GLS: variants seen among roughly 807,000 people sequenced by gnomAD.
The protein encoded by GLS is glutaminase.
In GLS, 36 loss-of-function variants were observed where a neutral mutation model predicts 86.7. That is an observed-to-expected ratio of 0.42 (90% CI 0.32 to 0.55). The LOEUF is 0.55. Ranked by LOEUF, GLS falls within the 20% of genes least tolerant of loss-of-function variation. The pLI, the probability that GLS is intolerant of heterozygous loss-of-function variation, is 0.17. For synonymous variants in GLS, 317 were observed against 305.9 expected (o/e 1.04, Z -0.38); for missense variants, 528 against 833.4 (o/e 0.63, Z 4.51).
At position 190,917,792 on chromosome 2, in the gene GLS, AT is replaced by A. The variant is rs942118157; in HGVS notation, c.1039-3220del. ...TGAACAGTAGTATTTTGAAAGAAAT[AT>A]TTTTTTTTTTTCTGGCTGGTCATGG... On this transcript the variant is annotated intron_variant, in intron 7 of 17. Transcript: ENST00000320717. 3.0e-3 allele frequency among the ~76,000 whole-genome samples: 440 copies of A among 146,036 alleles called. 2 individuals are homozygous for A. The highest frequency in any genetic ancestry group is 9.3e-3 in the African/African-American group (373 of 39,922).
Position 190,913,440 on chromosome 2 carries a change from T to C in GLS, c.1038+3119T>C, listed in dbSNP as rs1574587072. On this transcript the variant is annotated intron_variant, in intron 7 of 17. Coordinates refer to ENST00000320717, the MANE Select transcript of GLS (RefSeq NM_014905.5). The surrounding 1 kb of genome is among the most constrained non-coding windows in gnomAD (Gnocchi z 6.1). ...ATTTTTAAAAATCATAAGGGTATTA[T>C]ACTTCCTCTCTTTTTCTCTGTGGTA... The C allele has an allele frequency of 2.2e-6, 2 of 906,982 alleles. No homozygotes were observed. Among genetic ancestry groups the C allele is most frequent in the East Asian group, 8.6e-5 (1 of 11,594 alleles). 56.2% of individuals were successfully genotyped at this position (906,982 alleles called of 1,614,324 possible).
chr2:190,932,213 T>A (rs1690129650), intron 14 of GLS, among the ~76,000 whole-genome samples: 1 of 151,974 alleles, frequency 6.6e-6, no homozygotes, highest in East Asian at 1.9e-4. Flanking sequence ...ATTTGTTTGT[T>A]ACGAGTTTAT....
In GLS at chr2:190,924,644, C is replaced by T. The variant is rs762227315; in HGVS notation, c.1248+51C>T. 14 of 981,116 alleles carry T rather than the reference C, an allele frequency of 1.4e-5. No homozygotes were observed. The highest frequency in any genetic ancestry group is 1.2e-4 in the South Asian group (9 of 77,294). The allele number at this position is 981,116 out of a possible 1,614,324, so 60.8% of individuals were successfully genotyped here. A position where few individuals can be genotyped will look rare whatever the true frequency, so the allele number is the denominator to read the frequency against. The stretch of plus-strand genomic sequence containing the variant: ...TATAAATGGATGTGTCGGCTGGGCA[C>T]GGTGGCTCACGCCTGTAATCCCAGC... On this transcript the variant is annotated intron_variant, in intron 11 of 17. Transcript: ENST00000320717. This position sits in a 1 kb window ranked among gnomAD's most constrained non-coding sequence, Gnocchi z 5.2.
At chr2:190,933,238 C>T in intron 14 of GLS, 1 of 878,342 alleles carries the variant, frequency 1.1e-6, no homozygotes, top group Non-Finnish European at 1.4e-6. Flanking sequence ...AGTTTTGTTG[C>T]ATTTTGTTTT....
intron 1 of GLS, among the ~76,000 whole-genome samples, chr2:190,886,279 T>G (rs1460424524): frequency 6.6e-6 from 1 of 152,250 alleles, no homozygotes; most frequent in Non-Finnish European, 1.5e-5. Flanking sequence ...TTGATAACTT[T>G]GTCCATGATC....
chr2:190,907,007 G>A (rs1456885263), intron 6 of GLS, among the ~76,000 whole-genome samples: 2 of 149,260 alleles, frequency 1.3e-5, no homozygotes, highest in Non-Finnish European at 3.0e-5. Flanking sequence ...TCGGCTTACT[G>A]CAAGCTCTGC....
At chr2:190,898,971 G>T (rs1010796127) in intron 3 of GLS, among the ~76,000 whole-genome samples, 2 of 152,140 alleles carry the variant, frequency 1.3e-5, no homozygotes, top group Non-Finnish European at 2.9e-5. Context: ...TAGTTAAATG[G>T]TAGTAGGTTA....
At chr2:190,907,895 A>T (rs1689215300) in intron 6 of GLS, among the ~76,000 whole-genome samples, 1 of 152,254 alleles carries the variant, frequency 6.6e-6, no homozygotes, top group African/African-American at 2.4e-5. Context: ...TAGTTGTATT[A>T]TCTTACAAGT....
In GLS at chr2:190,961,394, G is replaced by A. The variant is rs189944317; in HGVS notation, c.1854-1436G>A. ...TGTATTTTTAGTAGAGAGGGGTTTC[G>A]CCATGTTGGTCATTCTGGTCTTGAA... On this transcript the variant is annotated intron_variant, in intron 17 of 17. Transcript: ENST00000320717. Among the ~76,000 whole-genome samples, 9 of 152,134 alleles carry A rather than the reference G, an allele frequency of 5.9e-5. 1 individual carries two copies. The East Asian group carries it at 1.2e-3, about 20-fold the overall frequency.
intron 14 of GLS, among the ~76,000 whole-genome samples, chr2:190,939,590 T>C (rs1239890291): frequency 6.6e-6 from 1 of 151,804 alleles, no homozygotes; most frequent in Non-Finnish European, 1.5e-5. Flanking sequence ...AATCAGTCTC[T>C]TGCTGAACTT....
chr2:190,893,027 G>A (rs1043854116), intron 1 of GLS, among the ~76,000 whole-genome samples: 11 of 152,078 alleles, frequency 7.2e-5, no homozygotes, highest in African/African-American at 2.2e-4. Context: ...TACATAGAAA[G>A]CTTATTCTGC....
At chr2:190,915,738 T>C (rs1376033055) in intron 7 of GLS, among the ~76,000 whole-genome samples, 2 of 152,310 alleles carry the variant, frequency 1.3e-5, no homozygotes, top group East Asian at 3.9e-4. Flanking sequence ...CTGCTTCACA[T>C]TGTAAAAACC....
chr2:190,951,210 C>T lies in GLS; in HGVS notation c.1651-2355C>T, dbSNP rs781613762. 9.2e-5 allele frequency among the ~76,000 whole-genome samples: 14 copies of T among 152,030 alleles called. No individual in the cohort carries two copies. The highest frequency in any genetic ancestry group is 1.6e-4 in the Non-Finnish European group (11 of 68,002). On this transcript the variant is annotated intron_variant, in intron 14 of 17. Transcript: ENST00000320717. The surrounding 1 kb of genome is among the most constrained non-coding windows in gnomAD (Gnocchi z 4.2). Reference sequence around the variant, plus strand: ...CAGGAGGAAGATTAGGGTGATGGAGCAGCATGGAAGGCAAGTCGTGAGAGG... The same window carrying T: ...CAGGAGGAAGATTAGGGTGATGGAGTAGCATGGAAGGCAAGTCGTGAGAGG...
intron 12 of GLS, among the ~76,000 whole-genome samples, chr2:190,928,608 T>C (rs1034718877): frequency 6.6e-6 from 1 of 152,036 alleles, no homozygotes; most frequent in African/African-American, 2.4e-5. Context: ...TTGCTGGGAT[T>C]ACAGGTGTGA....
At chr2:190,886,626 A>G (rs1332945649) in intron 1 of GLS, among the ~76,000 whole-genome samples, 1 of 152,324 alleles carries the variant, frequency 6.6e-6, no homozygotes, top group South Asian at 2.1e-4. Flanking sequence ...GTTATTTAAA[A>G]GAAATCAGGC....
chr2:190,918,461 G>C (rs1289578031), intron 7 of GLS, among the ~76,000 whole-genome samples: 5 of 151,898 alleles, frequency 3.3e-5, no homozygotes, highest in Admixed American at 1.3e-4. Flanking sequence ...TTAGGGCCTT[G>C]TTCTGAATTA....
chr2:190,942,550 G>T (rs1333015165), intron 14 of GLS, among the ~76,000 whole-genome samples: 1 of 152,140 alleles, frequency 6.6e-6, no homozygotes, highest in East Asian at 1.9e-4. Context: ...TAAGAAATAG[G>T]ATTGGCAGCA....
chr2:190,954,201 G>A lies in GLS; in HGVS notation c.1713-383G>A, dbSNP rs975270862. 2.6e-5 allele frequency among the ~76,000 whole-genome samples: 4 copies of A among 151,874 alleles called. No homozygotes were observed. Among genetic ancestry groups the A allele is most frequent in the Non-Finnish European group, 4.4e-5 (3 of 67,992 alleles). ...GAAGTCTGACAAGTACTAGTAGACT[G>A]TGAAATGTTTAAGAATGGGAGTCTT... On this transcript the variant is annotated intron_variant, in intron 15 of 17. Transcript: ENST00000320717. This position sits in a 1 kb window ranked among gnomAD's most constrained non-coding sequence, Gnocchi z 4.0.
chr2:190,880,844 A>C lies in GLS; in HGVS notation c.-241A>C. The C allele has an allele frequency of 1.3e-6, 1 of 791,230 alleles. No individual in the cohort carries two copies. Among genetic ancestry groups the C allele is most frequent in the Non-Finnish European group, 2.1e-6 (1 of 481,668 alleles). The allele number at this position is 791,230 out of a possible 1,614,324, so 49.0% of individuals were successfully genotyped here. A position where few individuals can be genotyped will look rare whatever the true frequency, so the allele number is the denominator to read the frequency against. ...TCAGTGCGGAGCCTTAGGCGGAGCG[A>C]AGAGAACCGGTCGCGGCAATCCTAG... On this transcript the variant is annotated 5_prime_UTR_variant, in exon 1 of 18. Coordinates refer to ENST00000320717, the MANE Select transcript of GLS (RefSeq NM_014905.5).
Sources: allele counts gnomAD v4.1 joint callset (sites outside exome capture counted in the v4.1 genomes callset), GRCh38; gene constraint gnomAD v4.1.1; non-coding constraint Gnocchi (gnomAD v3.1); transcripts MANE v1.5; gene names NCBI Gene and HGNC (gene_info 2026-07-23, HGNC 2026-07-21).